The following L3MBTL3 variants were observed in gnomAD, a reference collection of about 807,000 sequenced individuals.
L3MBTL3 encodes L3MBTL histone methyl-lysine binding protein 3, also known as lethal(3)malignant brain tumor-like protein 3.
In L3MBTL3, 27 loss-of-function variants were observed where a neutral mutation model predicts 102.3. The observed-to-expected ratio is 0.26, with a 90% CI of 0.19 to 0.36. The LOEUF (loss-of-function observed/expected upper bound fraction) is 0.36. Ranked by LOEUF, L3MBTL3 falls within the 10% of genes least tolerant of loss-of-function variation. The pLI is 1.00. For synonymous variants in L3MBTL3, 340 were observed against 320.9 expected, an observed-to-expected ratio of 1.06 and a Z score of -0.64; for missense variants, 798 against 955.3, an observed-to-expected ratio of 0.84 and a Z score of 2.17.
intron 18 of L3MBTL3, among the ~76,000 whole-genome samples, chr6:130,100,866 C>T (rs1482580525): frequency 6.6e-6 from 1 of 152,124 alleles, no homozygotes; most frequent in East Asian, 1.9e-4. Flanking sequence ...ATCTAAGAAT[C>T]CTGCGAGTCT....
chr6:130,139,939 C>A lies in L3MBTL3; in HGVS notation c.*186C>A. The A allele has an allele frequency of 1.8e-6, 1 of 545,064 alleles. No homozygotes were observed. 33.8% of individuals were successfully genotyped at this position (545,064 alleles called of 1,614,324 possible). On this transcript the variant is annotated 3_prime_UTR_variant, in exon 23 of 23. Coordinates refer to ENST00000361794, the MANE Select transcript of L3MBTL3 (RefSeq NM_032438.4). ...TTATGAAAGTGCTTGAGCTTTTAAC[C>A]AGGTACTGTCTAACAACAGTCATCT... is the stretch of plus-strand genomic sequence containing the variant.
intron 6 of L3MBTL3, among the ~76,000 whole-genome samples, chr6:130,052,287 A>G (rs2114791985): frequency 6.6e-6 from 1 of 151,810 alleles, no homozygotes; most frequent in East Asian, 1.9e-4. Flanking sequence ...TTTCTATTTT[A>G]GTAGAGACGG....
In L3MBTL3 at chr6:130,116,745, T is replaced by G. The variant is rs147606650; in HGVS notation, c.1887-4134T>G. ...CCAGCCTGGACAGTGGAGTGAGATCTATCTCTTAAAAAAAAAAAATCGCAC... is the reference window on the plus strand; with the variant it reads ...CCAGCCTGGACAGTGGAGTGAGATCGATCTCTTAAAAAAAAAAAATCGCAC... On this transcript the variant is annotated intron_variant, in intron 19 of 22. Coordinates refer to ENST00000361794, the MANE Select transcript of L3MBTL3 (RefSeq NM_032438.4). 3.4e-3 allele frequency among the ~76,000 whole-genome samples: 518 copies of G among 151,854 alleles called. 5 individuals carry two copies. The highest frequency in any genetic ancestry group is 0.012 in the African/African-American group (486 of 41,460).
chr6:130,131,473 C>G (rs939489909), intron 20 of L3MBTL3, among the ~76,000 whole-genome samples: 11 of 152,166 alleles, frequency 7.2e-5, no homozygotes, highest in African/African-American at 2.7e-4. Context: ...GAGTTTCACT[C>G]TTTGGTATAT....
intron 13 of L3MBTL3, among the ~76,000 whole-genome samples, chr6:130,077,228 T>A (rs1783009335): frequency 1.3e-5 from 2 of 152,254 alleles, no homozygotes; most frequent in African/African-American, 4.8e-5. Context: ...TGATTTTTTT[T>A]AGGAAAACAC....
At position 130,055,271 on chromosome 6, in the gene L3MBTL3, T is replaced by C. The variant is rs200413644; in HGVS notation, c.667+16T>C. 1,580 of 1,592,556 alleles carry C rather than the reference T, an allele frequency of 9.9e-4. 18 individuals carry two copies. The highest frequency in any genetic ancestry group is 7.3e-3 in the South Asian group (647 of 88,460). ...CTAAAGCAGGGTGAGCTGATGAAAA[T>C]AAAGTCTTACTTGTAACTTTATGAA... On this transcript the variant is annotated intron_variant, in intron 8 of 22. Coordinates refer to ENST00000361794, the MANE Select transcript of L3MBTL3 (RefSeq NM_032438.4).
chr6:130,114,860 T>C (rs569514417), intron 19 of L3MBTL3, among the ~76,000 whole-genome samples: 1 of 152,306 alleles, frequency 6.6e-6, no homozygotes, highest in South Asian at 2.1e-4. Context: ...GCCATCTTTT[T>C]CTGAATCCCT....
At position 130,051,372 on chromosome 6, in the gene L3MBTL3, A is replaced by C. The variant is rs41285300; in HGVS notation, c.413A>C (p.Tyr138Ser). The part of the protein sequence containing the change: ...NVDECLSGGN[Y>S]CSQNCARHIK... ...GATGAGTGTCTTTCTGGAGGAAACT[A>C]TTGCAGCCAGAATTGTGCTCGGCAC... Residue 138 changes from tyrosine (Y) to serine (S), a missense_variant, in exon 6 of 23, where the codon TAT (tyrosine) becomes TCT (serine). Transcript: ENST00000361794. 1.2e-6 allele frequency: 2 copies of C among 1,614,078 alleles called. No individual in the cohort carries two copies. The highest frequency in any genetic ancestry group is 2.2e-5 in the South Asian group (2 of 91,084).
chr6:130,117,417 A>G (rs117263997), intron 19 of L3MBTL3, among the ~76,000 whole-genome samples: 2,831 of 152,102 alleles, frequency 0.019, 35 homozygotes, highest in Middle Eastern at 0.075. Flanking sequence ...ATTGTGAATA[A>G]TGCCGCAAAT....
chr6:130,108,220 GTTTTTT>G (rs376419261), intron 19 of L3MBTL3, among the ~76,000 whole-genome samples: 1 of 118,706 alleles, frequency 8.4e-6, no homozygotes, highest in Non-Finnish European at 1.8e-5. Flanking sequence ...ATGTTAGGTG[GTTTTTT>G]TTTTGTTTTT....
At chr6:130,078,668 G>T in intron 14 of L3MBTL3, 34 bp downstream of exon 14, 1 of 1,405,762 alleles carries the variant, frequency 7.1e-7, no homozygotes, top group Non-Finnish European at 1.0e-6. Context: ...AATACTATTC[G>T]TAGACTTCAA....
intron 14 of L3MBTL3, among the ~76,000 whole-genome samples, chr6:130,080,274 A>AG (rs1584389835): frequency 6.6e-6 from 1 of 151,840 alleles, no homozygotes; most frequent in East Asian, 1.9e-4. Flanking sequence ...AAAAAAAAAA[A>AG]AGAAAGCAAG....
intron 2 of L3MBTL3, among the ~76,000 whole-genome samples, chr6:130,031,005 C>T (rs1415582410): frequency 6.6e-6 from 1 of 152,126 alleles, no homozygotes; most frequent in African/African-American, 2.4e-5. Flanking sequence ...TGTATGATTA[C>T]CCCATGTGAC....
At chr6:130,073,238 ACT>A (rs760271896) in intron 13 of L3MBTL3, among the ~76,000 whole-genome samples, 8 of 152,080 alleles carry the variant, frequency 5.3e-5, no homozygotes, top group Non-Finnish European at 1.2e-4. Flanking sequence ...AAGACCCCTG[ACT>A]CTACATAAAA....
rs1784861187 is a variant in L3MBTL3 at position 130,104,283 on chromosome 6, A to G, written c.1737-143A>G. 5.9e-6 allele frequency: 3 copies of G among 511,948 alleles called. No homozygotes were observed. In the Admixed American group the frequency reaches 1.2e-4, roughly 21 times the overall value. 31.7% of individuals were successfully genotyped at this position (511,948 alleles called of 1,614,324 possible). On this transcript the variant is annotated intron_variant, in intron 18 of 22. Transcript: ENST00000361794. ...TTTAAAGATAAAATATGCTGTATGT[A>G]TGATTATAAAATATAACAATATAAC...
chr6:130,121,037 A>G (rs1786141513), intron 20 of L3MBTL3, 79 bp downstream of exon 20: 3 of 852,580 alleles, frequency 3.5e-6, no homozygotes, highest in Admixed American at 2.4e-5. Context: ...GGAATACAAC[A>G]GTCTCTTTTA....
chr6:130,024,860 A>G (rs757571660), intron 2 of L3MBTL3, among the ~76,000 whole-genome samples: 7 of 152,170 alleles, frequency 4.6e-5, no homozygotes, highest in Non-Finnish European at 8.8e-5. Flanking sequence ...TACCATTAGG[A>G]AAGGATGAGG....
intron 10 of L3MBTL3, among the ~76,000 whole-genome samples, chr6:130,061,818 A>T (rs1323309460): frequency 6.6e-6 from 1 of 152,110 alleles, no homozygotes; most frequent in Non-Finnish European, 1.5e-5. Flanking sequence ...GAAAGAATAG[A>T]GCAGGATCCT....
chr6:130,073,730 G>T (rs544979269), intron 13 of L3MBTL3, among the ~76,000 whole-genome samples: 9 of 152,186 alleles, frequency 5.9e-5, no homozygotes, highest in African/African-American at 2.2e-4. Flanking sequence ...AAACAGGAAG[G>T]ATCCTGGGTT....
Sources: allele counts gnomAD v4.1 joint callset (sites outside exome capture counted in the v4.1 genomes callset), GRCh38; gene constraint gnomAD v4.1.1; transcripts MANE v1.5; gene names NCBI Gene and HGNC (gene_info 2026-07-23, HGNC 2026-07-21).